The following ETS1 variants were observed in gnomAD, a reference collection of about 807,000 sequenced individuals.
ETS1 encodes protein C-ets-1.
ETS1 carries 15 observed loss-of-function variants against 58.6 expected under a neutral mutation model. The observed-to-expected ratio is 0.26, with a 90% CI of 0.17 to 0.39. The LOEUF is 0.39. ETS1 is among the 10% of genes least tolerant of loss of function. The pLI is 1.00. For missense variants in ETS1, 417 were observed against 610.5 expected (o/e 0.68, Z 3.34); for synonymous variants, 214 against 218.2 (o/e 0.98, Z 0.17).
At chr11:128,564,135 G>A (rs1031717377) in intron 2 of ETS1, among the ~76,000 whole-genome samples, 6 of 152,126 alleles carry the variant, frequency 3.9e-5, no homozygotes, top group Non-Finnish European at 8.8e-5. Context: ...CAGAGGGCAC[G>A]TTTGTTCTGC....
intron 8 of ETS1, among the ~76,000 whole-genome samples, chr11:128,478,321 A>G (rs1226144785): frequency 9.2e-6 from 1 of 108,474 alleles, no homozygotes. Context: ...GAGGGAAGGA[A>G]AGAAGGAAGG....
Position 128,573,957 on chromosome 11 carries a change from T to C in ETS1, c.-14-813A>G, listed in dbSNP as rs192139730. ...ATACCAATCAGAGGCCAAATTCTTA[T>C]TGTTAGGAAGTGACGCTTTAACTTC... On this transcript the variant is annotated intron_variant, in intron 1 of 9. Transcript: ENST00000392668. 4.4e-3 allele frequency among the ~76,000 whole-genome samples: 673 copies of C among 152,352 alleles called. 3 individuals are homozygous for C. The highest frequency in any genetic ancestry group is 7.2e-3 in the Non-Finnish European group (493 of 68,030).
chr11:128,556,279 TTA>T lies in ETS1; in HGVS notation c.214+10_214+11del. The T allele has an allele frequency of 6.3e-7, 1 of 1,597,716 alleles. No homozygotes were observed. Among genetic ancestry groups the T allele is most frequent in the Non-Finnish European group, 8.5e-7 (1 of 1,174,250 alleles). ...CTCTATCCTCATTCCCAGCTTTTGT[TTA>T]TGTTCCTACCTGAGACACAGTGTTC... On this transcript the variant is annotated intron_variant, in intron 3 of 9. Transcript: ENST00000392668.
chr11:128,485,112 G>C (rs747573048), intron 6 of ETS1, 41 bp from the exon 7 acceptor site: 26 of 1,581,726 alleles, frequency 1.6e-5, no homozygotes, highest in African/African-American at 2.7e-5. Flanking sequence ...GGAGAGATTT[G>C]TACCTAAAAT....
At chr11:128,573,179 T>C in intron 1 of ETS1, 35 bp from the exon 2 acceptor site, 1 of 1,450,352 alleles carries the variant, frequency 6.9e-7, no homozygotes, top group Non-Finnish European at 9.5e-7. Flanking sequence ...AGCCTCTGGA[T>C]GCTCACAGGT....
chr11:128,563,542 C>T (rs930593995), intron 2 of ETS1, among the ~76,000 whole-genome samples: 1 of 152,172 alleles, frequency 6.6e-6, no homozygotes, highest in Admixed American at 6.5e-5. Flanking sequence ...CTCCAAGTTC[C>T]TTGCCAACTC....
intron 3 of ETS1, among the ~76,000 whole-genome samples, chr11:128,543,163 A>G (rs1349666580): frequency 6.6e-6 from 1 of 151,548 alleles, no homozygotes; most frequent in African/African-American, 2.4e-5. Context: ...ATTGCACTCC[A>G]GTCCTGGCAA....
chr11:128,522,419 A>T (rs1044979108), intron 3 of ETS1: 24 of 908,452 alleles, frequency 2.6e-5, no homozygotes, highest in African/African-American at 1.3e-4. Context: ...GGGCCGGGCG[A>T]TGTCCGCTTG....
chr11:128,579,946 C>T lies in ETS1; in HGVS notation c.-14-6802G>A, dbSNP rs367561535. ...TGCCCCTCCATGGGATTTACTGTAA[C>T]GGTGTAACAAAGTTCATGACACTTC... On this transcript the variant is annotated intron_variant, in intron 1 of 9. Coordinates refer to ENST00000392668, the MANE Select transcript of ETS1 (RefSeq NM_001143820.2). 1.1e-4 allele frequency among the ~76,000 whole-genome samples: 16 copies of T among 151,818 alleles called. No homozygotes were observed. The East Asian group carries it at 1.2e-3, about 11-fold the overall frequency.
At chr11:128,521,696 C>T (rs1863673952) in intron 3 of ETS1, among the ~76,000 whole-genome samples, 1 of 152,196 alleles carries the variant, frequency 6.6e-6, no homozygotes, top group African/African-American at 2.4e-5. Flanking sequence ...AAAATAAATA[C>T]CACCCCCCAA....
In ETS1 at chr11:128,585,051, A is replaced by AG. The variant is rs1864966305; in HGVS notation, c.-15+2436dup. ...AGAAAGAAAAGAAAGAAAGAAAGAA[A>AG]GAAAGAAAGAAAGAAAGAAAGAAAG... is the stretch of plus-strand genomic sequence containing the variant. On this transcript the variant is annotated intron_variant, in intron 1 of 9. Transcript: ENST00000392668. 7.5e-5 allele frequency among the ~76,000 whole-genome samples: 2 copies of AG among 26,684 alleles called. 1 individual carries two copies. Among genetic ancestry groups the AG allele is most frequent in the Non-Finnish European group, 1.3e-4 (2 of 15,712 alleles). The allele number at this position is 26,684 out of a possible 152,430, so 17.5% of individuals were successfully genotyped here.
chr11:128,498,119 G>A (rs976157516), intron 3 of ETS1, among the ~76,000 whole-genome samples: 1 of 152,160 alleles, frequency 6.6e-6, no homozygotes, highest in Non-Finnish European at 1.5e-5. Flanking sequence ...CATTCTCTAG[G>A]ATGCTCTACC....
rs1345220616 is a variant in ETS1 at position 128,463,222 on chromosome 11, CT to C, written c.1242+286del. Among the ~76,000 whole-genome samples the C allele has an allele frequency of 7.2e-5, 11 of 152,232 alleles. No homozygotes were observed. The highest frequency in any genetic ancestry group is 2.7e-4 in the African/African-American group (11 of 41,468). ...ACAGAGCCACCGGGCTAGGAAGAGGCTAAGTCACAGGAGGCAGCTCTATGGG... is the reference window on the plus strand; with the variant it reads ...ACAGAGCCACCGGGCTAGGAAGAGGCAAGTCACAGGAGGCAGCTCTATGGG... On this transcript the variant is annotated intron_variant, in intron 9 of 9. Coordinates refer to ENST00000392668, the MANE Select transcript of ETS1 (RefSeq NM_001143820.2). This position sits in a 1 kb window ranked among gnomAD's most constrained non-coding sequence, Gnocchi z 4.1.
intron 8 of ETS1, among the ~76,000 whole-genome samples, chr11:128,473,884 G>T (rs1160093518): frequency 6.6e-6 from 1 of 152,234 alleles, no homozygotes; most frequent in Non-Finnish European, 1.5e-5. Context: ...GTGATGGGGA[G>T]TTTCCGAGGC....
chr11:128,515,860 A>G (rs1353327393), intron 3 of ETS1, among the ~76,000 whole-genome samples: 1 of 152,210 alleles, frequency 6.6e-6, no homozygotes, highest in African/African-American at 2.4e-5. Context: ...CAATTGAGAA[A>G]AGTGGAAGGG....
Position 128,541,251 on chromosome 11 carries a change from C to T in ETS1, c.214+15040G>A, listed in dbSNP as rs76250501. On this transcript the variant is annotated intron_variant, in intron 3 of 9. Coordinates refer to ENST00000392668, the MANE Select transcript of ETS1 (RefSeq NM_001143820.2). ...ACTGAACCACACTTCATAGCCCCAA[C>T]GCCTCATGAAGAACAAGGGCTTAAT... 5.5e-3 allele frequency among the ~76,000 whole-genome samples: 836 copies of T among 152,268 alleles called. 11 individuals carry two copies. The highest frequency in any genetic ancestry group is 0.018 in the African/African-American group (761 of 41,526).
chr11:128,543,356 C>G (rs754513070), intron 3 of ETS1, among the ~76,000 whole-genome samples: 2 of 152,118 alleles, frequency 1.3e-5, no homozygotes, highest in Non-Finnish European at 2.9e-5. Context: ...CATAGATTCT[C>G]TCCCCCATCT....
chr11:128,543,128 A>T (rs1284877830), intron 3 of ETS1, among the ~76,000 whole-genome samples: 1 of 151,596 alleles, frequency 6.6e-6, no homozygotes, highest in Non-Finnish European at 1.5e-5. Flanking sequence ...TGGAGGCGGA[A>T]GTTGCAGTGA....
At chr11:128,498,937 T>A (rs146617551) in intron 3 of ETS1, among the ~76,000 whole-genome samples, 3 of 152,250 alleles carry the variant, frequency 2.0e-5, no homozygotes, top group Non-Finnish European at 4.4e-5. Context: ...CCCAGAACAG[T>A]GTGACTTCTT....
Sources: allele counts gnomAD v4.1 joint callset (sites outside exome capture counted in the v4.1 genomes callset), GRCh38; gene constraint gnomAD v4.1.1; non-coding constraint Gnocchi (gnomAD v3.1); transcripts MANE v1.5; gene names NCBI Gene and HGNC (gene_info 2026-07-23, HGNC 2026-07-21).